The following COL26A1 variants were observed in gnomAD, a reference collection of about 807,000 sequenced individuals.
The protein encoded by COL26A1 is collagen type XXVI alpha 1 chain.
A neutral mutation model predicts 59.3 loss-of-function variants in COL26A1; 41 were observed. The ratio of observed to expected loss-of-function variants is 0.69; its 90% confidence interval spans 0.54 to 0.90. The LOEUF (loss-of-function observed/expected upper bound fraction) is 0.90, where lower values mean the gene tolerates loss of function less well. Among genes scored for constraint, COL26A1 ranks in the 40% least tolerant of loss-of-function variants. The probability of loss-of-function intolerance (pLI) is 0.00; values close to 1 mark genes in which losing one functional copy is unlikely to be tolerated. For missense variants in COL26A1, 612 were observed against 602.3 expected, an observed-to-expected ratio of 1.02 and a Z score of -0.17; for synonymous variants, 266 against 256.0, an observed-to-expected ratio of 1.04 and a Z score of -0.37.
At chr7:101,383,024 A>G (rs1791483423) in intron 1 of COL26A1, among the ~76,000 whole-genome samples, 1 of 151,996 alleles carries the variant, frequency 6.6e-6, no homozygotes, top group Admixed American at 6.5e-5. Context: ...CCTGGGTGAC[A>G]GAGCAAGATC....
chr7:101,515,885 G>A (rs913838558), intron 3 of COL26A1, among the ~76,000 whole-genome samples: 8 of 152,080 alleles, frequency 5.3e-5, no homozygotes, highest in Admixed American at 1.3e-4. Context: ...TGCTGCACCC[G>A]GCCAGACCCT....
In COL26A1 at chr7:101,422,287, G is replaced by A. The variant is rs190956131; in HGVS notation, c.281+2188G>A. Reference sequence around the variant, plus strand: ...GATTGTGCCATTGCACTCCAGCCTGGGCAACAAGAACAAAACTCCATCTCA... The same window carrying A: ...GATTGTGCCATTGCACTCCAGCCTGAGCAACAAGAACAAAACTCCATCTCA... On this transcript the variant is annotated intron_variant, in intron 2 of 12. Coordinates refer to ENST00000313669, the MANE Select transcript of COL26A1 (RefSeq NM_001278563.3). 2.7e-5 allele frequency among the ~76,000 whole-genome samples: 4 copies of A among 145,632 alleles called. No individual in the cohort carries two copies. The East Asian group carries it at 8.0e-4, about 29-fold the overall frequency.
intron 2 of COL26A1, among the ~76,000 whole-genome samples, chr7:101,434,911 A>ATC: frequency 6.6e-6 from 1 of 151,764 alleles, no homozygotes; most frequent in Non-Finnish European, 1.5e-5. Flanking sequence ...GGACATGTTC[A>ATC]AAGATTCACA....
In COL26A1 at chr7:101,458,158, A is replaced by G. The variant is rs116515955; in HGVS notation, c.385+10371A>G. On this transcript the variant is annotated intron_variant, in intron 3 of 12. Transcript: ENST00000313669. ...CAATCTGCCTGGCTCGGCCTTCTGA[A>G]GTGCTGGGATTACAGGGTTAGCCAT... 4.6e-3 allele frequency among the ~76,000 whole-genome samples: 707 copies of G among 152,182 alleles called. 9 individuals carry two copies. The highest frequency in any genetic ancestry group is 0.015 in the African/African-American group (639 of 41,526).
At chr7:101,544,730 A>G (rs1795694231) in intron 6 of COL26A1, among the ~76,000 whole-genome samples, 1 of 151,266 alleles carries the variant, frequency 6.6e-6, no homozygotes, top group Non-Finnish European at 1.5e-5. Flanking sequence ...ACAGGGTTTC[A>G]CCATGTTGGC....
At chr7:101,397,511 CCCTTCCCT>C (rs1791887641) in intron 1 of COL26A1, among the ~76,000 whole-genome samples, 2 of 141,014 alleles carry the variant, frequency 1.4e-5, no homozygotes, top group African/African-American at 5.5e-5. Context: ...TCCTTCCCTT[CCCTTCCCT>C]TCCTTCTCTC....
chr7:101,494,003 A>C (rs1243715699), intron 3 of COL26A1, among the ~76,000 whole-genome samples: 1 of 152,106 alleles, frequency 6.6e-6, no homozygotes, highest in Non-Finnish European at 1.5e-5. Flanking sequence ...TCCCACAGTA[A>C]GGCTGACAAC....
chr7:101,370,966 C>CGG (rs77013648), intron 1 of COL26A1, among the ~76,000 whole-genome samples: 2 of 151,416 alleles, frequency 1.3e-5, no homozygotes. Context: ...AACTCACTTC[C>CGG]CCAGTTTCCC....
At chr7:101,434,037 TTCCCTTCCCTCCCTCCCTCCCTCCC>T (rs1792842486) in intron 2 of COL26A1, among the ~76,000 whole-genome samples, 1 of 113,526 alleles carries the variant, frequency 8.8e-6, no homozygotes, top group African/African-American at 4.6e-5. Context: ...GATTACTCCC[TTCCCTTCCCTCCCTCCCTCCCTCCC>T]TCCCTCCCTC....
intron 2 of COL26A1, among the ~76,000 whole-genome samples, chr7:101,431,307 C>T (rs567936926): frequency 9.9e-5 from 15 of 152,228 alleles, no homozygotes; most frequent in African/African-American, 3.6e-4. Context: ...GGCTGGAGTG[C>T]ACTGGTGCAG....
At chr7:101,443,866 TC>T (rs1793119793) in intron 2 of COL26A1, among the ~76,000 whole-genome samples, 1 of 140,712 alleles carries the variant, frequency 7.1e-6, no homozygotes, top group Admixed American at 8.1e-5. Flanking sequence ...TTTTCCTTTT[TC>T]TTTTCTTTTT....
rs1302829320 is a variant in COL26A1, at chr7:101,557,775, T to A, written c.*245T>A. ...CCCCCACTCCCGGCTGGAGACGGGG[T>A]CTGGGTGGGCTGGGTGCTGGGAATG... On this transcript the variant is annotated 3_prime_UTR_variant, in exon 13 of 13. Transcript: ENST00000313669. 4.4e-6 allele frequency: 2 copies of A among 457,866 alleles called. No homozygotes were observed. The highest frequency in any genetic ancestry group is 7.8e-6 in the Non-Finnish European group (2 of 257,644). 28.4% of individuals were successfully genotyped at this position (457,866 alleles called of 1,614,324 possible).
intron 3 of COL26A1, among the ~76,000 whole-genome samples, chr7:101,451,679 G>A (rs1363433432): frequency 6.7e-6 from 1 of 150,074 alleles, no homozygotes; most frequent in East Asian, 1.9e-4. Flanking sequence ...TGTGGTTATT[G>A]TCTCTACTGA....
chr7:101,529,290 A>G (rs558805370), intron 3 of COL26A1, among the ~76,000 whole-genome samples: 3 of 152,190 alleles, frequency 2.0e-5, no homozygotes, highest in African/African-American at 7.2e-5. Flanking sequence ...TGTTTTTGAA[A>G]CGGAGTTTTG....
chr7:101,527,494 AT>A (rs35889525), intron 3 of COL26A1, among the ~76,000 whole-genome samples: 186 of 143,844 alleles, frequency 1.3e-3, no homozygotes, highest in East Asian at 3.1e-3. Context: ...CGTCCAGCTG[AT>A]TTTTTTTTTT....
intron 3 of COL26A1, among the ~76,000 whole-genome samples, chr7:101,483,807 T>C (rs1367678697): frequency 1.3e-5 from 2 of 152,004 alleles, no homozygotes; most frequent in East Asian, 3.9e-4. Context: ...CCCGAGTAGC[T>C]GGGATTACAG....
At chr7:101,489,917 T>C (rs1474633079) in intron 3 of COL26A1, among the ~76,000 whole-genome samples, 2 of 101,852 alleles carry the variant, frequency 2.0e-5, no homozygotes, top group South Asian at 3.2e-4. Flanking sequence ...TTTCTTTCTT[T>C]CTTGTCTCTC....
intron 4 of COL26A1, among the ~76,000 whole-genome samples, chr7:101,533,536 C>A (rs949480971): frequency 6.6e-6 from 1 of 152,168 alleles, no homozygotes; most frequent in Non-Finnish European, 1.5e-5. Flanking sequence ...GGAGGAACTG[C>A]TGGGAAGTGA....
In COL26A1 at chr7:101,544,015, G is replaced by A; in HGVS notation, c.622G>A (p.Gly208Arg). 2 of 1,585,776 alleles carry A rather than the reference G, an allele frequency of 1.3e-6. No individual in the cohort carries two copies. Among genetic ancestry groups the A allele is most frequent in the Non-Finnish European group, 1.7e-6 (2 of 1,166,742 alleles). The change falls in exon 6 of 13, where the codon GGA becomes AGA. Residue 208 changes from glycine (G) to arginine (R), a missense_variant. Coordinates refer to ENST00000313669, the MANE Select transcript of COL26A1 (RefSeq NM_001278563.3). ...TGPAGPPGQT[G>R]PPGPAGPPGS... ...CTCCCCAGGGCCCCCGGGGCAGACA[G>A]GACCACCAGGGCCTGCAGGCCCCCC... is the stretch of plus-strand genomic sequence containing the variant.
Sources: allele counts gnomAD v4.1 joint callset (sites outside exome capture counted in the v4.1 genomes callset), GRCh38; gene constraint gnomAD v4.1.1; transcripts MANE v1.5; gene names NCBI Gene and HGNC (gene_info 2026-07-23, HGNC 2026-07-21).